ABHD17B: variants seen among roughly 807,000 people sequenced by gnomAD.
The protein encoded by ABHD17B is alpha/beta hydrolase domain-containing protein 17B.
A neutral mutation model predicts 26.2 loss-of-function variants in ABHD17B; 9 were observed. That is an observed-to-expected ratio of 0.34 (90% confidence interval 0.21 to 0.60). The LOEUF (loss-of-function observed/expected upper bound fraction) is 0.60, where lower values mean the gene tolerates loss of function less well. Ranked by LOEUF, ABHD17B falls within the 20% of genes least tolerant of loss-of-function variation. The probability of loss-of-function intolerance (pLI) is 0.80; values close to 1 mark genes in which losing one functional copy is unlikely to be tolerated. For synonymous variants in ABHD17B, 127 were observed against 122.3 expected, an observed-to-expected ratio of 1.04 and a Z score of -0.25; for missense variants, 224 against 352.1, an observed-to-expected ratio of 0.64 and a Z score of 2.91.
rs1827460635 is a variant in ABHD17B at position 71,911,135 on chromosome 9, T to G, written c.-505A>C. On this transcript the variant is annotated 5_prime_UTR_variant, in exon 1 of 4. Transcript: ENST00000333421. ...CTCGTTCCGGTAGCGGGAGGAAGACTGGAGGGGAACGGAGGGGACGAGCAC... is the reference window on the plus strand; with the variant it reads ...CTCGTTCCGGTAGCGGGAGGAAGACGGGAGGGGAACGGAGGGGACGAGCAC... 2.6e-5 allele frequency among the ~76,000 whole-genome samples: 4 copies of G among 152,018 alleles called. 1 individual carries two copies. In the South Asian group the frequency reaches 8.3e-4, roughly 31 times the overall value.
intron 1 of ABHD17B, among the ~76,000 whole-genome samples, chr9:71,889,132 T>C (rs1826701492): frequency 6.6e-6 from 1 of 150,688 alleles, no homozygotes; most frequent in Non-Finnish European, 1.5e-5. Context: ...CCGGCCAATA[T>C]AGTGAAACTC....
chr9:71,898,404 G>C (rs780382436), intron 1 of ABHD17B, among the ~76,000 whole-genome samples: 3 of 151,764 alleles, frequency 2.0e-5, no homozygotes, highest in Non-Finnish European at 4.4e-5. Context: ...GGCCGAGGTG[G>C]GCAGATCACC....
In ABHD17B at chr9:71,874,956, C is replaced by A; in HGVS notation, c.125G>T (p.Ser42Ile). The change falls in exon 2 of 4, where the codon AGC becomes ATC. Residue 42 changes from serine (S) to isoleucine (I), a missense_variant. Coordinates refer to ENST00000333421, the MANE Select transcript of ABHD17B (RefSeq NM_001025780.3). ...DPTYTLMCDESGSRWTLHLSE... is the reference protein window; with the variant it reads ...DPTYTLMCDEIGSRWTLHLSE... Reference sequence around the variant, plus strand: ...CAGATGTAAAGTCCAACGGCTTCCGCTTTCATCACACATCAGTGTGTAAGT... The same window carrying A: ...CAGATGTAAAGTCCAACGGCTTCCGATTTCATCACACATCAGTGTGTAAGT... 2 of 1,614,186 alleles carry A rather than the reference C, an allele frequency of 1.2e-6. No homozygotes were observed.
intron 2 of ABHD17B, among the ~76,000 whole-genome samples, chr9:71,874,263 C>T (rs1826196807): frequency 6.6e-6 from 1 of 151,694 alleles, no homozygotes; most frequent in Non-Finnish European, 1.5e-5. Context: ...TAGCTCACTG[C>T]AGCCTCAAAC....
intron 1 of ABHD17B, among the ~76,000 whole-genome samples, chr9:71,889,190 G>T (rs777341814): frequency 6.6e-6 from 1 of 151,760 alleles, no homozygotes. Context: ...GGTGGCAGGC[G>T]CCTGTAATCA....
intron 1 of ABHD17B, among the ~76,000 whole-genome samples, chr9:71,905,782 T>C (rs1827263858): frequency 6.6e-6 from 1 of 152,184 alleles, no homozygotes; most frequent in South Asian, 2.1e-4. Flanking sequence ...CCCAGCACTT[T>C]TGGAGGGGGC....
At chr9:71,894,106 A>G (rs1185489737) in intron 1 of ABHD17B, among the ~76,000 whole-genome samples, 2 of 150,090 alleles carry the variant, frequency 1.3e-5, no homozygotes, top group Non-Finnish European at 3.0e-5. Flanking sequence ...AAAAAAAAAA[A>G]AAAAAAAAAA....
rs369137828 is a variant in ABHD17B, at chr9:71,900,019, T to C, written c.-4+10615A>G. Among the ~76,000 whole-genome samples, 154 of 152,340 alleles carry C rather than the reference T, an allele frequency of 1.0e-3. 5 individuals are homozygous for C. In the South Asian group the frequency reaches 0.027, roughly 27 times the overall value. ...GGCAGGAAATTTTCATTGACTTTAA[T>C]ATCTTAAAAGTCTAAACCCCAAAAA... On this transcript the variant is annotated intron_variant, in intron 1 of 3. Transcript: ENST00000333421.
rs117900952 is a variant in ABHD17B, at chr9:71,906,927, C to A, written c.-4+3707G>T. Among the ~76,000 whole-genome samples, 743 of 152,210 alleles carry A rather than the reference C, an allele frequency of 4.9e-3. 4 individuals carry two copies. The highest frequency in any genetic ancestry group is 8.5e-3 in the Non-Finnish European group (577 of 68,016). On this transcript the variant is annotated intron_variant, in intron 1 of 3. Transcript: ENST00000333421. ...GCTGGTCGACCATTACACTTGGTGG[C>A]TAATCTTGAATGTAGTCTTGAGCTC...
intron 1 of ABHD17B, among the ~76,000 whole-genome samples, chr9:71,879,376 T>G (rs1233918948): frequency 1.3e-5 from 2 of 152,118 alleles, no homozygotes; most frequent in Non-Finnish European, 2.9e-5. Context: ...GAGAGACTAC[T>G]TAAGAGGTAA....
rs1827459501 is a variant in ABHD17B, at chr9:71,911,115, TC to T, written c.-486del. 6.6e-6 allele frequency among the ~76,000 whole-genome samples: 1 copy of T among 152,092 alleles called. No homozygotes were observed. Among genetic ancestry groups the T allele is most frequent in the Non-Finnish European group, 1.5e-5 (1 of 67,990 alleles). Reference sequence around the variant, plus strand: ...TCAGCCTGCCAAGCGCGAGGCTCGTTCCGGTAGCGGGAGGAAGACTGGAGGG... The same window carrying T: ...TCAGCCTGCCAAGCGCGAGGCTCGTTCGGTAGCGGGAGGAAGACTGGAGGG... On this transcript the variant is annotated 5_prime_UTR_variant, in exon 1 of 4. Coordinates refer to ENST00000333421, the MANE Select transcript of ABHD17B (RefSeq NM_001025780.3).
chr9:71,872,385 G>A (rs924194374), intron 2 of ABHD17B, among the ~76,000 whole-genome samples: 9 of 152,032 alleles, frequency 5.9e-5, no homozygotes, highest in African/African-American at 2.2e-4. Context: ...ATTTTTCAAA[G>A]TTTTCTTCAA....
intron 1 of ABHD17B, among the ~76,000 whole-genome samples, chr9:71,907,026 T>C (rs1302883114): frequency 1.3e-5 from 2 of 152,210 alleles, no homozygotes; most frequent in East Asian, 3.8e-4. Flanking sequence ...ATGCTTTCTT[T>C]AAAGTACTGT....
chr9:71,891,991 T>TG (rs577534968), intron 1 of ABHD17B, among the ~76,000 whole-genome samples: 2 of 152,158 alleles, frequency 1.3e-5, no homozygotes, highest in Non-Finnish European at 2.9e-5. Context: ...AAAAGAGCCA[T>TG]GGCTTTCAGT....
chr9:71,875,186 G>A, intron 1 of ABHD17B, 103 bp from the exon 2 acceptor site: 1 of 870,682 alleles, frequency 1.1e-6, no homozygotes, highest in Non-Finnish European at 1.7e-6. Flanking sequence ...GGTGGTTAAT[G>A]ACTATTACTA....
At chr9:71,906,635 T>C (rs957335379) in intron 1 of ABHD17B, among the ~76,000 whole-genome samples, 4 of 152,004 alleles carry the variant, frequency 2.6e-5, no homozygotes, top group African/African-American at 4.8e-5. Context: ...CTGGGCAAGA[T>C]AGCAAGACCC....
intron 1 of ABHD17B, among the ~76,000 whole-genome samples, chr9:71,906,729 G>A (rs976055680): frequency 6.6e-6 from 1 of 151,948 alleles, no homozygotes; most frequent in Admixed American, 6.6e-5. Flanking sequence ...GAAGTGGGAG[G>A]ATCCCTTGAG....
At chr9:71,873,155 G>A (rs899989361) in intron 2 of ABHD17B, among the ~76,000 whole-genome samples, 3 of 151,866 alleles carry the variant, frequency 2.0e-5, no homozygotes, top group Non-Finnish European at 2.9e-5. Context: ...CTGGAAGTCA[G>A]ATATTTTATT....
intron 1 of ABHD17B, among the ~76,000 whole-genome samples, chr9:71,891,770 T>C (rs79805317): frequency 1.3e-5 from 2 of 152,314 alleles, no homozygotes; most frequent in East Asian, 3.9e-4. Flanking sequence ...CACACACTCA[T>C]ACCCTGTCTA....
Sources: gnomAD v4.1 joint callset for allele counts (sites outside exome capture counted in the v4.1 genomes callset) on GRCh38, gnomAD v4.1.1 for gene constraint, MANE v1.5 for transcripts, NCBI Gene and HGNC (gene_info 2026-07-23, HGNC 2026-07-21) for gene names.